PTPN5: variants seen among roughly 807,000 people sequenced by gnomAD.
PTPN5 encodes tyrosine-protein phosphatase non-receptor type 5.
Under a neutral mutation model 73.9 loss-of-function variants are expected in PTPN5, and 29 were observed. The observed-to-expected ratio is 0.39, with a 90% confidence interval of 0.29 to 0.54. The LOEUF is 0.54. PTPN5 is among the 20% of genes least tolerant of loss of function. PTPN5 has a pLI of 0.65. For synonymous variants in PTPN5, 267 were observed against 304.7 expected (o/e 0.88, Z 1.29); for missense variants, 652 against 751.4 (o/e 0.87, Z 1.55).
chr11:18,737,633 T>C (rs1302130320), intron 9 of PTPN5, among the ~76,000 whole-genome samples: 1 of 152,196 alleles, frequency 6.6e-6, no homozygotes, highest in Admixed American at 6.5e-5. Context: ...TCTTTGGGTT[T>C]CTAGAGGGTC....
At chr11:18,766,328 G>T (rs1456625248) in intron 2 of PTPN5, among the ~76,000 whole-genome samples, 1 of 152,148 alleles carries the variant, frequency 6.6e-6, no homozygotes, top group Admixed American at 6.5e-5. Flanking sequence ...AGGACTCCAG[G>T]CTCATGCTCT....
At position 18,733,297 on chromosome 11, in the gene PTPN5, T is replaced by A; in HGVS notation, c.1156A>T (p.Met386Leu). The change falls in exon 11 of 15, where the codon ATG becomes TTG. Residue 386 changes from methionine to leucine, a missense_variant. Around this residue, in one of 3 missense-constraint regions of PTPN5, gnomAD observed 529 missense variants for 573.9 expected, o/e 0.92. Coordinates refer to ENST00000358540, the MANE Select transcript of PTPN5 (RefSeq NM_006906.2). This position sits in a 1 kb window ranked among gnomAD's most constrained non-coding sequence, Gnocchi z 4.3. ...ATGGGCGTGTGCTCCTGCCACACCA[T>A]GCGCCAGAAGTCGGCGACCGTGCTG... ...IVSTVADFWR[M>L]VWQEHTPIIV... The A allele has an allele frequency of 6.2e-7, 1 of 1,614,136 alleles. No individual in the cohort carries two copies.
intron 3 of PTPN5, among the ~76,000 whole-genome samples, chr11:18,764,403 C>A (rs1182552676): frequency 1.3e-5 from 2 of 152,220 alleles, no homozygotes; most frequent in Non-Finnish European, 2.9e-5. Flanking sequence ...GACAGACGGT[C>A]CCATCTTAGA....
intron 3 of PTPN5, among the ~76,000 whole-genome samples, chr11:18,746,097 C>T (rs1186034298): frequency 1.4e-5 from 2 of 146,808 alleles, no homozygotes; most frequent in Non-Finnish European, 3.0e-5. Flanking sequence ...CACTCTTTTA[C>T]TCAGTTTTTT....
Position 18,729,483 on chromosome 11 carries a change from A to G in PTPN5, c.1574T>C (p.Leu525Pro). The change falls in exon 14 of 15, where the codon CTG becomes CCG. Residue 525 changes from leucine to proline, a missense_variant. This residue lies in a region of PTPN5 where 102 missense variants were observed against 160.5 expected (regional missense o/e 0.64). Transcript: ENST00000358540. This position sits in a 1 kb window ranked among gnomAD's most constrained non-coding sequence, Gnocchi z 5.2. ...QLRQEGVVDI[L>P]KTTCQLRQDR... ...CTGACGGAGCTGGCACGTGGTCTTCAGGATGTCCACCACACCCTCCTGCCG... is the reference window on the plus strand; with the variant it reads ...CTGACGGAGCTGGCACGTGGTCTTCGGGATGTCCACCACACCCTCCTGCCG... 1 of 1,588,648 alleles carries G rather than the reference A, an allele frequency of 6.3e-7. No homozygotes were observed. Among genetic ancestry groups the G allele is most frequent in the Non-Finnish European group, 8.6e-7 (1 of 1,161,544 alleles).
rs768860032 is a variant in PTPN5, at chr11:18,732,683, G to A, written c.1238C>T (p.Pro413Leu). 6.2e-6 allele frequency: 10 copies of A among 1,613,560 alleles called. No homozygotes were observed. The highest frequency in any genetic ancestry group is 2.2e-5 in the East Asian group (1 of 44,886). Residue 413 changes from proline (P) to leucine (L), a missense_variant, in exon 12 of 15, where the codon CCG becomes CTG. Physicochemically the swap from Pro to Leu is moderately conservative, Grantham distance 98. This residue lies in a region of PTPN5 where 529 missense variants were observed against 573.9 expected (regional missense o/e 0.92). Transcript: ENST00000358540. ...EMNEKCTEYW[P>L]EEQVAYDGVE... ...ACCGTCGTACGCCACCTGCTCCTCC[G>A]GCCAATACTCGGTGCATTTCTGCAG...
intron 2 of PTPN5, among the ~76,000 whole-genome samples, chr11:18,769,802 G>C (rs912466137): frequency 4.6e-5 from 7 of 152,346 alleles, no homozygotes; most frequent in Admixed American, 2.0e-4. Context: ...GGAGGCCCAA[G>C]ATGTGTGGAA....
intron 3 of PTPN5, among the ~76,000 whole-genome samples, chr11:18,748,273 G>A (rs890788219): frequency 9.2e-5 from 14 of 152,062 alleles, no homozygotes; most frequent in Admixed American, 2.6e-4. Context: ...CAGGTCCCTC[G>A]GATAATGTGT....
chr11:18,772,493 C>T (rs1850949565), intron 1 of PTPN5, among the ~76,000 whole-genome samples: 1 of 152,228 alleles, frequency 6.6e-6, no homozygotes, highest in African/African-American at 2.4e-5. Flanking sequence ...AGACTGCAAA[C>T]TTGAGTGTTC....
rs550572209 is a variant in PTPN5 at position 18,752,194 on chromosome 11, T to C, written c.98-7995A>G. 2.6e-5 allele frequency among the ~76,000 whole-genome samples: 4 copies of C among 152,350 alleles called. No homozygotes were observed. The East Asian group carries it at 5.8e-4, about 22-fold the overall frequency. ...TGTAGTGAGCCAGAGAGCGCGCCAC[T>C]GCACTCCAGCCTGGGTGACAAGCGC... On this transcript the variant is annotated intron_variant, in intron 3 of 14. Transcript: ENST00000358540.
At chr11:18,737,805 G>A (rs1849180887) in intron 9 of PTPN5, 75 bp downstream of exon 9, 18 of 1,314,392 alleles carry the variant, frequency 1.4e-5, no homozygotes, top group African/African-American at 2.9e-5. Flanking sequence ...CCCAGCTGAG[G>A]GTCCTCCTCA....
intron 12 of PTPN5, among the ~76,000 whole-genome samples, chr11:18,731,782 G>T (rs780915748): frequency 6.6e-6 from 1 of 152,116 alleles, no homozygotes; most frequent in South Asian, 2.1e-4. Context: ...CCAAGTCTCC[G>T]GTCTTGTGCT....
At chr11:18,771,427 G>A (rs947955543) in intron 2 of PTPN5, among the ~76,000 whole-genome samples, 6 of 152,156 alleles carry the variant, frequency 3.9e-5, no homozygotes, top group Non-Finnish European at 5.9e-5. Flanking sequence ...GAAGAACTGC[G>A]TCCTCCCACT....
chr11:18,736,737 T>C (rs1390654425), intron 9 of PTPN5, among the ~76,000 whole-genome samples: 1 of 152,178 alleles, frequency 6.6e-6, no homozygotes, highest in Non-Finnish European at 1.5e-5. Context: ...CTCAAGCCTC[T>C]TGGAATGCAG....
chr11:18,733,557 C>T lies in PTPN5; in HGVS notation c.1079G>A (p.Arg360Gln), dbSNP rs1264966802. 16 of 1,614,148 alleles carry T rather than the reference C, an allele frequency of 9.9e-6. No homozygotes were observed. Among genetic ancestry groups the T allele is most frequent in the East Asian group, 2.2e-5 (1 of 44,884 alleles). ...LSSYINANYI[R>Q]GYGGEEKVYI... is the part of the protein sequence containing the mutation. The stretch of plus-strand genomic sequence containing the variant: ...GGCCGTCAGGGTGGGAATACGTACC[C>T]GGATGTAGTTGGCATTGATGTAGGA... Residue 360 changes from arginine to glutamine, a missense_variant and splice_region_variant, in exon 10 of 15, where the codon CGG (arginine) becomes CAG (glutamine). Coordinates refer to ENST00000358540, the MANE Select transcript of PTPN5 (RefSeq NM_006906.2). This position sits in a 1 kb window ranked among gnomAD's most constrained non-coding sequence, Gnocchi z 4.3.
At chr11:18,743,981 C>T (rs1054851816) in intron 4 of PTPN5, 25 bp downstream of exon 4, 1 of 1,569,408 alleles carries the variant, frequency 6.4e-7, no homozygotes, top group Non-Finnish European at 8.6e-7. Context: ...TCTCCAGACC[C>T]TTGTGAGGCC....
At chr11:18,781,863 A>C (rs1056004861) in intron 1 of PTPN5, among the ~76,000 whole-genome samples, 5 of 152,152 alleles carry the variant, frequency 3.3e-5, no homozygotes, top group African/African-American at 1.2e-4. Flanking sequence ...TCAGGAGGGC[A>C]CAAAAACAGA....
At chr11:18,774,959 G>A (rs1046464976) in intron 1 of PTPN5, among the ~76,000 whole-genome samples, 5 of 152,222 alleles carry the variant, frequency 3.3e-5, no homozygotes, top group South Asian at 2.1e-4. Context: ...GCTCCCGACC[G>A]AAGAGGATAA....
intron 3 of PTPN5, among the ~76,000 whole-genome samples, chr11:18,753,045 G>C (rs1252500253): frequency 6.6e-6 from 1 of 152,256 alleles, no homozygotes; most frequent in Non-Finnish European, 1.5e-5. Flanking sequence ...TGGATATCTG[G>C]AAAGTCTAAG....
Sources: gnomAD v4.1 joint callset for allele counts (sites outside exome capture counted in the v4.1 genomes callset) on GRCh38, gnomAD v4.1.1 for gene constraint, gnomAD v4.1.1 regional missense constraint, Gnocchi (gnomAD v3.1) non-coding constraint, MANE v1.5 for transcripts, NCBI Gene and HGNC (gene_info 2026-07-23, HGNC 2026-07-21) for gene names.